ANTXR1: variants seen among roughly 807,000 people sequenced by gnomAD.
ANTXR1 encodes anthrax toxin receptor 1.
A neutral mutation model predicts 78.1 loss-of-function variants in ANTXR1; 19 were observed. The observed-to-expected ratio is 0.24, with a 90% CI of 0.17 to 0.36. The LOEUF is 0.36. Among genes scored for constraint, ANTXR1 ranks in the 10% least tolerant of loss-of-function variants. The pLI is 1.00. For synonymous variants in ANTXR1, 273 were observed against 260.5 expected, an observed-to-expected ratio of 1.05 and a Z score of -0.46; for missense variants, 518 against 718.6, an observed-to-expected ratio of 0.72 and a Z score of 3.19.
chr2:69,077,245 T>C, intron 7 of ANTXR1, 163 bp from the exon 8 acceptor site: 1 of 704,362 alleles, frequency 1.4e-6, no homozygotes, highest in East Asian at 2.7e-5. Context: ...GAGCTTGTTA[T>C]TACTGATGGC....
At chr2:69,236,325 T>A (rs1228229225) in intron 17 of ANTXR1, among the ~76,000 whole-genome samples, 1 of 152,132 alleles carries the variant, frequency 6.6e-6, no homozygotes, top group Non-Finnish European at 1.5e-5. Flanking sequence ...TATGTGTGTA[T>A]GTGTGAGTGT....
intron 14 of ANTXR1, chr2:69,172,333 G>C: frequency 6.3e-7 from 1 of 1,588,138 alleles, no homozygotes; most frequent in African/African-American, 1.3e-5. Flanking sequence ...TGTGAGTTAG[G>C]CCACCTAATC....
chr2:69,205,668 G>GT (rs1674882134), intron 17 of ANTXR1, among the ~76,000 whole-genome samples: 1 of 151,034 alleles, frequency 6.6e-6, no homozygotes, highest in Non-Finnish European at 1.5e-5. Flanking sequence ...AGGGAGTATG[G>GT]TTTTTTTCTG....
At chr2:69,101,626 A>G (rs567926632) in intron 9 of ANTXR1, among the ~76,000 whole-genome samples, 1 of 152,314 alleles carries the variant, frequency 6.6e-6, no homozygotes, top group Admixed American at 6.5e-5. Context: ...GGTGGCATAT[A>G]CTCATGACAT....
intron 7 of ANTXR1, among the ~76,000 whole-genome samples, chr2:69,076,923 T>G (rs918031178): frequency 1.3e-5 from 2 of 152,130 alleles, no homozygotes; most frequent in African/African-American, 4.8e-5. Flanking sequence ...CCAAACCAAC[T>G]GCAAGGGCCC....
At chr2:69,099,259 G>T (rs1405835982) in intron 9 of ANTXR1, among the ~76,000 whole-genome samples, 1 of 152,106 alleles carries the variant, frequency 6.6e-6, no homozygotes, top group African/African-American at 2.4e-5. Context: ...TGTTTTCAAG[G>T]TTCATCCATG....
In ANTXR1 at chr2:69,090,879, C is replaced by T. The variant is rs768766349; in HGVS notation, c.663C>T (p.Ile221=). 15 of 1,613,022 alleles carry T rather than the reference C, an allele frequency of 9.3e-6. No individual in the cohort carries two copies. The highest frequency in any genetic ancestry group is 2.7e-5 in the African/African-American group (2 of 74,886). The part of the protein sequence containing the change: ...IIHSILKKSC[I]EILAAEPSTI... ...CCTAGATTTTGAAGAAGTCCTGCATCGAAATTCTAGCAGCTGAACCATCCA... is the reference window on the plus strand; with the variant it reads ...CCTAGATTTTGAAGAAGTCCTGCATTGAAATTCTAGCAGCTGAACCATCCA... The change falls in exon 9 of 18, where the codon ATC becomes ATT. Residue 221 remains isoleucine (I), a synonymous_variant. Coordinates refer to ENST00000303714, the MANE Select transcript of ANTXR1 (RefSeq NM_032208.3).
intron 17 of ANTXR1, among the ~76,000 whole-genome samples, chr2:69,199,737 C>T (rs1011364211): frequency 1.1e-4 from 17 of 152,104 alleles, no homozygotes; most frequent in Non-Finnish European, 1.5e-5. Flanking sequence ...CAAAGCCTCC[C>T]CAGGTGATTC....
At chr2:69,146,268 A>C in intron 12 of ANTXR1, 1 of 985,446 alleles carries the variant, frequency 1.0e-6, no homozygotes, top group South Asian at 4.7e-5. Flanking sequence ...GCTTGACCAC[A>C]GAAGTGCTTC....
intron 17 of ANTXR1, among the ~76,000 whole-genome samples, chr2:69,211,217 T>C (rs1675035631): frequency 6.6e-6 from 1 of 152,230 alleles, no homozygotes; most frequent in African/African-American, 2.4e-5. Flanking sequence ...ATGCAACTTC[T>C]TCTCCAGCCA....
chr2:69,125,303 G>A (rs1377023169), intron 12 of ANTXR1, among the ~76,000 whole-genome samples: 1 of 152,114 alleles, frequency 6.6e-6, no homozygotes, highest in East Asian at 1.9e-4. Context: ...TTCATTCCTG[G>A]CTATATATAA....
At chr2:69,089,073 T>G (rs1671143583) in intron 8 of ANTXR1, among the ~76,000 whole-genome samples, 1 of 152,156 alleles carries the variant, frequency 6.6e-6, no homozygotes, top group African/African-American at 2.4e-5. Flanking sequence ...AGGCAGAAGC[T>G]GAAGGAACTA....
chr2:69,075,139 T>C (rs1433009984), intron 6 of ANTXR1, among the ~76,000 whole-genome samples: 3 of 152,216 alleles, frequency 2.0e-5, no homozygotes, highest in African/African-American at 7.2e-5. Context: ...TCTGTAAATG[T>C]TCTCATTTAA....
intron 17 of ANTXR1, among the ~76,000 whole-genome samples, chr2:69,199,937 A>T (rs1573971980): frequency 6.6e-6 from 1 of 152,144 alleles, no homozygotes; most frequent in Admixed American, 6.5e-5. Flanking sequence ...TATCAGGAAG[A>T]TGGTTAATCT....
chr2:69,167,387 C>T (rs1011069213), intron 13 of ANTXR1, among the ~76,000 whole-genome samples: 2 of 152,202 alleles, frequency 1.3e-5, no homozygotes, highest in African/African-American at 4.8e-5. Flanking sequence ...AGCTGCTCCT[C>T]CAGGCAACAC....
At chr2:69,090,629 G>T in intron 8 of ANTXR1, 2 of 586,414 alleles carry the variant, frequency 3.4e-6, no homozygotes, top group East Asian at 2.9e-5. Context: ...AAGAGCAAAT[G>T]AATGAATAAT....
At chr2:69,135,130 C>A (rs73934746) in intron 12 of ANTXR1, 1 of 349,174 alleles carries the variant, frequency 2.9e-6, no homozygotes, top group Non-Finnish European at 6.1e-6. Context: ...TTTTGACAAC[C>A]CTTGTAACCC....
At chr2:69,187,989 G>A (rs925147630) in intron 16 of ANTXR1, among the ~76,000 whole-genome samples, 2 of 143,680 alleles carry the variant, frequency 1.4e-5, no homozygotes, top group Non-Finnish European at 3.0e-5. Flanking sequence ...TCTTCCAGCT[G>A]GCTAAGGCAG....
rs200181645 is a variant in ANTXR1 at position 69,013,669 on chromosome 2, T to TCC, written c.152+24_152+25dup. On this transcript the variant is annotated intron_variant, in intron 1 of 17. Coordinates refer to ENST00000303714, the MANE Select transcript of ANTXR1 (RefSeq NM_032208.3). The surrounding 1 kb of genome is among the most constrained non-coding windows in gnomAD (Gnocchi z 5.0). ...TTGGACAAGTAAGTGCCGCGAGTTG[T>TCC]CCCCCCCACCCCAGGCTAAGCGGGC... 1.9e-6 allele frequency: 3 copies of TCC among 1,551,024 alleles called. No individual in the cohort carries two copies. The highest frequency in any genetic ancestry group is 1.7e-4 in the Middle Eastern group (1 of 5,840).
Sources: allele counts gnomAD v4.1 joint callset (sites outside exome capture counted in the v4.1 genomes callset), GRCh38; gene constraint gnomAD v4.1.1; non-coding constraint Gnocchi (gnomAD v3.1); transcripts MANE v1.5; gene names NCBI Gene and HGNC (gene_info 2026-07-23, HGNC 2026-07-21).